The following CLPB variants were observed in gnomAD, a reference collection of about 807,000 sequenced individuals.
CLPB encodes mitochondrial disaggregase.
A neutral mutation model predicts 78.4 loss-of-function variants in CLPB; 40 were observed. That is an observed-to-expected ratio of 0.51 (90% CI 0.40 to 0.66). The LOEUF (loss-of-function observed/expected upper bound fraction) is 0.66. Ranked by LOEUF, CLPB falls within the 30% of genes least tolerant of loss-of-function variation. The pLI is 0.00. For synonymous variants in CLPB, 333 were observed against 348.0 expected, an observed-to-expected ratio of 0.96 and a Z score of 0.48; for missense variants, 780 against 886.9, an observed-to-expected ratio of 0.88 and a Z score of 1.53.
intron 5 of CLPB, among the ~76,000 whole-genome samples, chr11:72,357,343 G>T (rs572428656): frequency 6.6e-6 from 1 of 152,140 alleles, no homozygotes; most frequent in African/African-American, 2.4e-5. Flanking sequence ...TTGAAGACTG[G>T]TATTTGGAAA....
intron 5 of CLPB, among the ~76,000 whole-genome samples, chr11:72,339,645 T>C (rs1180738455): frequency 1.3e-5 from 2 of 152,208 alleles, no homozygotes; most frequent in Non-Finnish European, 2.9e-5. Context: ...GAGTCTTCTA[T>C]GTGTTTGGCA....
rs181498854 is a variant in CLPB, at chr11:72,418,627, C to T, written c.455+11685G>A. On this transcript the variant is annotated intron_variant, in intron 2 of 15. Transcript: ENST00000538039. ...ATCCCAGCACTTTGGGAGGCTGAGG[C>T]GGGAGGATCACGAGGTCAGGAGTTC... 2.7e-3 allele frequency among the ~76,000 whole-genome samples: 403 copies of T among 152,050 alleles called. 2 individuals are homozygous for T. The highest frequency in any genetic ancestry group is 9.2e-3 in the African/African-American group (382 of 41,492).
At chr11:72,341,110 G>A (rs1357539615) in intron 5 of CLPB, among the ~76,000 whole-genome samples, 3 of 152,178 alleles carry the variant, frequency 2.0e-5, no homozygotes, top group Non-Finnish European at 2.9e-5. Context: ...GTGAGCCACC[G>A]CGCCTGGCAA....
intron 2 of CLPB, among the ~76,000 whole-genome samples, chr11:72,418,392 G>T (rs1210179569): frequency 1.3e-5 from 2 of 152,158 alleles, no homozygotes; most frequent in African/African-American, 4.8e-5. Context: ...ACACAGCAAT[G>T]GTGTGAGGCA....
chr11:72,294,676 C>A lies in CLPB; in HGVS notation c.1504G>T (p.Asp502Tyr). The A allele has an allele frequency of 6.2e-7, 1 of 1,614,022 alleles. No homozygotes were observed. The highest frequency in any genetic ancestry group is 1.1e-5 in the South Asian group (1 of 91,076). Residue 502 changes from aspartate to tyrosine, a missense_variant, in exon 13 of 16, where the codon GAC (aspartate) becomes TAC (tyrosine). By Grantham distance (160) the Asp-to-Tyr change is radical. Transcript: ENST00000538039. Reference sequence around the variant, plus strand: ...AAGTTCTTTGAGATGGTGATCTTGTCACTTATCTGGACATCCCCTGTGGAG... The same window carrying A: ...AAGTTCTTTGAGATGGTGATCTTGTAACTTATCTGGACATCCCCTGTGGAG... ...AENLGDVQIS[D>Y]KITISKNFKE...
At chr11:72,314,615 C>T (rs192755338) in intron 7 of CLPB, among the ~76,000 whole-genome samples, 7 of 152,162 alleles carry the variant, frequency 4.6e-5, no homozygotes, top group African/African-American at 1.4e-4. Flanking sequence ...GGGTGCTGTG[C>T]CAGGAATTGG....
intron 11 of CLPB, among the ~76,000 whole-genome samples, chr11:72,299,568 C>T (rs972087675): frequency 6.6e-6 from 1 of 152,146 alleles, no homozygotes; most frequent in African/African-American, 2.4e-5. Flanking sequence ...CTACTGCCAG[C>T]CCCGCCACTC....
intron 5 of CLPB, chr11:72,336,732 A>G (rs558467185): frequency 6.3e-4 from 132 of 208,352 alleles, no homozygotes; most frequent in Non-Finnish European, 9.8e-4. Flanking sequence ...ATTATGGGAA[A>G]TCCTTCCCAT....
At chr11:72,371,125 G>A (rs1234233138) in intron 4 of CLPB, among the ~76,000 whole-genome samples, 2 of 152,000 alleles carry the variant, frequency 1.3e-5, no homozygotes, top group East Asian at 1.9e-4. Context: ...GTGCAGTGGC[G>A]TGATCATGGC....
At chr11:72,381,250 G>C (rs943642135) in intron 3 of CLPB, among the ~76,000 whole-genome samples, 1 of 152,116 alleles carries the variant, frequency 6.6e-6, no homozygotes, top group Non-Finnish European at 1.5e-5. Context: ...AGGGAAGTGA[G>C]GGCTGGACTT....
intron 4 of CLPB, among the ~76,000 whole-genome samples, chr11:72,379,891 C>T (rs115597839): frequency 5.7e-4 from 87 of 152,278 alleles, no homozygotes; most frequent in African/African-American, 2.0e-3. Flanking sequence ...GGTAAGTCTG[C>T]AGGAAACAGG....
At chr11:72,341,111 C>T (rs573776346) in intron 5 of CLPB, among the ~76,000 whole-genome samples, 22 of 152,272 alleles carry the variant, frequency 1.4e-4, no homozygotes, top group Admixed American at 5.2e-4. Context: ...TGAGCCACCG[C>T]GCCTGGCAAG....
intron 5 of CLPB, among the ~76,000 whole-genome samples, chr11:72,344,948 T>C (rs1226392057): frequency 6.6e-6 from 1 of 152,186 alleles, no homozygotes; most frequent in Non-Finnish European, 1.5e-5. Context: ...AGTTCACTTA[T>C]AATAAGATAA....
At chr11:72,393,974 C>T (rs1018629166) in intron 3 of CLPB, among the ~76,000 whole-genome samples, 3 of 152,164 alleles carry the variant, frequency 2.0e-5, no homozygotes, top group Admixed American at 2.0e-4. Flanking sequence ...TCAATGAAAT[C>T]AGTGATATAA....
intron 11 of CLPB, among the ~76,000 whole-genome samples, chr11:72,295,998 G>C (rs1490675443): frequency 6.6e-6 from 1 of 152,214 alleles, no homozygotes; most frequent in Non-Finnish European, 1.5e-5. Flanking sequence ...GCCCGCTGTG[G>C]GCCAGGATCT....
intron 4 of CLPB, among the ~76,000 whole-genome samples, chr11:72,369,110 G>A (rs1461221816): frequency 6.6e-6 from 1 of 152,172 alleles, no homozygotes; most frequent in Non-Finnish European, 1.5e-5. Flanking sequence ...AAGAAGACAG[G>A]CTATTGTCCC....
intron 2 of CLPB, among the ~76,000 whole-genome samples, chr11:72,418,854 CAAAAAA>C (rs913728201): frequency 2.7e-5 from 2 of 75,254 alleles, no homozygotes; most frequent in African/African-American, 9.1e-5. Context: ...ACTCCATCTC[CAAAAAA>C]AAAAAAAAAA....
chr11:72,338,134 A>C (rs913285996), intron 5 of CLPB, among the ~76,000 whole-genome samples: 1 of 152,336 alleles, frequency 6.6e-6, no homozygotes. Flanking sequence ...AGAGTAGTGA[A>C]AGACAGAGAG....
chr11:72,346,895 C>T (rs527839601), intron 5 of CLPB, among the ~76,000 whole-genome samples: 22 of 150,212 alleles, frequency 1.5e-4, no homozygotes, highest in Non-Finnish European at 2.7e-4. Flanking sequence ...GCAGGGGAAT[C>T]GCTTGAACCC....
Sources: allele counts gnomAD v4.1 joint callset (sites outside exome capture counted in the v4.1 genomes callset), GRCh38; gene constraint gnomAD v4.1.1; transcripts MANE v1.5; gene names NCBI Gene and HGNC (gene_info 2026-07-23, HGNC 2026-07-21).